Variants in HEATR5A observed in about 807,000 individuals in gnomAD.
HEATR5A encodes HEAT repeat containing 5A, also known as HEAT repeat-containing protein 5A.
A neutral mutation model predicts 218.8 loss-of-function variants in HEATR5A; 178 were observed. The observed-to-expected ratio is 0.81, with a 90% CI of 0.72 to 0.92. HEATR5A has a LOEUF of 0.92. HEATR5A is among the 40% of genes least tolerant of loss of function. HEATR5A has a pLI of 0.00. For synonymous variants in HEATR5A, 864 were observed against 871.6 expected, an observed-to-expected ratio of 0.99 and a Z score of 0.15; for missense variants, 2,420 against 2,418.9, an observed-to-expected ratio of 1.00 and a Z score of -0.01.
At chr14:31,347,289 G>A (rs1253018202) in intron 19 of HEATR5A, among the ~76,000 whole-genome samples, 1 of 152,146 alleles carries the variant, frequency 6.6e-6, no homozygotes, top group African/African-American at 2.4e-5. Context: ...TGGACTTATG[G>A]CAACCTCTGT....
intron 14 of HEATR5A, among the ~76,000 whole-genome samples, chr14:31,363,728 C>T (rs995545715): frequency 1.3e-5 from 2 of 152,132 alleles, no homozygotes; most frequent in African/African-American, 2.4e-5. Flanking sequence ...CACCTATAAT[C>T]CCAGCACTTT....
At chr14:31,342,451 T>A (rs1900870952) in intron 21 of HEATR5A, among the ~76,000 whole-genome samples, 1 of 152,196 alleles carries the variant, frequency 6.6e-6, no homozygotes, top group Non-Finnish European at 1.5e-5. Flanking sequence ...ATATACTGTA[T>A]GTTGAAGACA....
intron 31 of HEATR5A, 116 bp downstream of exon 31, chr14:31,306,616 C>A (rs1382504502): frequency 3.7e-6 from 4 of 1,066,754 alleles, no homozygotes; most frequent in Non-Finnish European, 2.6e-6. Flanking sequence ...CATGCCTAGA[C>A]ATGTTTTATT....
intron 7 of HEATR5A, among the ~76,000 whole-genome samples, chr14:31,388,482 G>C (rs1166632481): frequency 6.6e-6 from 1 of 152,060 alleles, no homozygotes; most frequent in Non-Finnish European, 1.5e-5. Flanking sequence ...TTTCACCTAT[G>C]CTAAACAATT....
intron 1 of HEATR5A, among the ~76,000 whole-genome samples, chr14:31,409,664 C>T (rs2031207796): frequency 6.6e-6 from 1 of 152,168 alleles, no homozygotes; most frequent in Non-Finnish European, 1.5e-5. Context: ...CGCGCCACTG[C>T]ACTCCAGCCT....
At chr14:31,334,754 GGCTA>G (rs1322376617) in intron 22 of HEATR5A, among the ~76,000 whole-genome samples, 2 of 152,088 alleles carry the variant, frequency 1.3e-5, no homozygotes, top group African/African-American at 2.4e-5. Context: ...AGACAATCCT[GGCTA>G]ACATGGTGAA....
intron 22 of HEATR5A, among the ~76,000 whole-genome samples, chr14:31,327,762 A>G (rs1355696926): frequency 6.6e-6 from 1 of 152,196 alleles, no homozygotes; most frequent in African/African-American, 2.4e-5. Flanking sequence ...GAATAAACAT[A>G]TATCACTATA....
intron 22 of HEATR5A, 107 bp from the exon 23 acceptor site, chr14:31,326,449 A>C: frequency 1.2e-6 from 1 of 800,472 alleles, no homozygotes; most frequent in Non-Finnish European, 2.0e-6. Flanking sequence ...AATACATCTT[A>C]AAGAACTAGC....
intron 22 of HEATR5A, among the ~76,000 whole-genome samples, chr14:31,336,256 A>G (rs1900664586): frequency 9.5e-6 from 1 of 105,012 alleles, no homozygotes; most frequent in African/African-American, 3.7e-5. Context: ...ATATATATAT[A>G]TATATATAAT....
At chr14:31,318,124 A>T in intron 26 of HEATR5A, 100 bp downstream of exon 26, 1 of 935,348 alleles carries the variant, frequency 1.1e-6, no homozygotes, top group Non-Finnish European at 1.7e-6. Flanking sequence ...GCTATGATTG[A>T]CGGTAAGACA....
At chr14:31,359,287 A>AGAGTGTGT (rs1901535567) in intron 14 of HEATR5A, among the ~76,000 whole-genome samples, 3 of 50,508 alleles carry the variant, frequency 5.9e-5, no homozygotes, top group Admixed American at 5.0e-4. Context: ...AAAGTGTAAG[A>AGAGTGTGT]GTGTGTGTGT....
At chr14:31,340,898 G>T (rs1187054621) in intron 21 of HEATR5A, among the ~76,000 whole-genome samples, 1 of 152,164 alleles carries the variant, frequency 6.6e-6, no homozygotes, top group East Asian at 1.9e-4. Flanking sequence ...TTAACTCTTA[G>T]AAGCCAAGTT....
At chr14:31,352,744 T>C (rs917817746) in intron 16 of HEATR5A, among the ~76,000 whole-genome samples, 1 of 152,062 alleles carries the variant, frequency 6.6e-6, no homozygotes, top group African/African-American at 2.4e-5. Flanking sequence ...GATCACCTGA[T>C]GTCAGGAGTT....
chr14:31,380,563 C>A lies in HEATR5A; in HGVS notation c.1612G>T (p.Ala538Ser). ...HGKGKIIMTL[A>S]EDLLCSAAQN... ...GCAGCAGAACACAGCAAATCCTCTG[C>A]TAATGTCATAATAATCTATTTACAT... Residue 538 changes from alanine (A) to serine (S), a missense_variant, in exon 11 of 36, where the codon GCA (alanine) becomes TCA (serine). Coordinates refer to ENST00000543095, the MANE Select transcript of HEATR5A (RefSeq NM_015473.4). The A allele has an allele frequency of 6.3e-7, 1 of 1,594,842 alleles. No individual in the cohort carries two copies. The highest frequency in any genetic ancestry group is 1.7e-5 in the Admixed American group (1 of 57,414).
At position 31,386,672 on chromosome 14, in the gene HEATR5A, A is replaced by T. The variant is rs570028614; in HGVS notation, c.1190-97T>A. The T allele has an allele frequency of 5.0e-5, 51 of 1,014,846 alleles. 1 individual carries two copies. In the East Asian group the frequency reaches 1.2e-3, roughly 24 times the overall value. 62.9% of individuals were successfully genotyped at this position (1,014,846 alleles called of 1,614,324 possible). ...AAAAGGTATAACGGCAAAAATTTAC[A>T]CATACACTTGATCTATATGAAATAC... On this transcript the variant is annotated intron_variant, in intron 8 of 35. Transcript: ENST00000543095.
chr14:31,323,166 G>T (rs1293820798), intron 24 of HEATR5A, among the ~76,000 whole-genome samples: 1 of 152,140 alleles, frequency 6.6e-6, no homozygotes, highest in Non-Finnish European at 1.5e-5. Context: ...GCTCATTAAA[G>T]TGAATGCCAA....
chr14:31,359,285 A>AGTGTGTGTGTGTGT (rs1901535212), intron 14 of HEATR5A, among the ~76,000 whole-genome samples: 3 of 12,570 alleles, frequency 2.4e-4, no homozygotes, highest in Admixed American at 1.0e-3. Flanking sequence ...TCAAAGTGTA[A>AGTGTGTGTGTGTGT]GAGTGTGTGT....
At chr14:31,343,360 C>A (rs1900906040) in intron 21 of HEATR5A, among the ~76,000 whole-genome samples, 1 of 152,152 alleles carries the variant, frequency 6.6e-6, no homozygotes, top group East Asian at 1.9e-4. Context: ...TGAGCCACTG[C>A]GCCTGGCCAG....
At chr14:31,399,779 G>A (rs148238407) in intron 3 of HEATR5A, among the ~76,000 whole-genome samples, 12,112 of 152,192 alleles carry the variant, frequency 0.08, 545 homozygotes, top group East Asian at 0.16. Context: ...GCAGTGAGTC[G>A]AGATCACGCC....
Sources: gnomAD v4.1 joint callset for allele counts (sites outside exome capture counted in the v4.1 genomes callset) on GRCh38, gnomAD v4.1.1 for gene constraint, MANE v1.5 for transcripts, NCBI Gene and HGNC (gene_info 2026-07-23, HGNC 2026-07-21) for gene names.